Variants in HNRNPH1 observed in about 807,000 individuals in gnomAD.
HNRNPH1 encodes heterogeneous nuclear ribonucleoprotein H.
In HNRNPH1, 4 loss-of-function variants were observed where a neutral mutation model predicts 58.6. That is an observed-to-expected ratio of 0.07 (90% confidence interval 0.03 to 0.16). HNRNPH1 has a LOEUF of 0.16. Among genes scored for constraint, HNRNPH1 ranks in the 10% least tolerant of loss-of-function variants. The probability of loss-of-function intolerance (pLI) is 1.00; values close to 1 mark genes in which losing one functional copy is unlikely to be tolerated. For synonymous variants in HNRNPH1, 192 were observed against 189.2 expected, an observed-to-expected ratio of 1.01 and a Z score of -0.12; for missense variants, 271 against 564.2, an observed-to-expected ratio of 0.48 and a Z score of 5.26.
At chr5:179,618,521 A>AG (rs1369241861) in intron 4 of HNRNPH1, 198 bp from the exon 6 acceptor site, 3 of 420,640 alleles carry the variant, frequency 7.1e-6, no homozygotes, top group African/African-American at 4.1e-5. Flanking sequence ...TAAACTTTAT[A>AG]GAAAAAAAAA....
exon 1 of HNRNPH1, chr5:179,623,427 C>T (rs1486168640): frequency 3.5e-5 from 9 of 254,028 alleles, no homozygotes; most frequent in Admixed American, 1.1e-4. Flanking sequence ...CGCTCCGCCT[C>T]CTCCGACTTC....
chr5:179,616,085 T>C, intron 11 of HNRNPH1, 41 bp downstream of exon 12: 1 of 1,495,074 alleles, frequency 6.7e-7, no homozygotes, highest in Non-Finnish European at 9.3e-7. Context: ...GAACAGGCTT[T>C]ACCATAACTT....
intron 1 of HNRNPH1, among the ~76,000 whole-genome samples, chr5:179,622,211 T>A (rs1772767865): frequency 6.9e-6 from 1 of 145,656 alleles, no homozygotes; most frequent in African/African-American, 2.4e-5. Context: ...CACTCTTCAA[T>A]TATCAAATCT....
intron 8 of HNRNPH1, 69 bp from the exon 10 acceptor site, chr5:179,617,179 A>C (rs1342005975): frequency 8.8e-6 from 13 of 1,480,722 alleles, no homozygotes; most frequent in Non-Finnish European, 1.1e-5. Context: ...ACTTTTATAA[A>C]GTTTTTAAAC....
At chr5:179,618,172 T>G in exon 5 of HNRNPH1, 1 of 1,613,994 alleles carries the variant, frequency 6.2e-7, no homozygotes, top group East Asian at 2.2e-5. Flanking sequence ...CGCCTCATCC[T>G]CTCAAAGCCA....
intron 2 of HNRNPH1, among the ~76,000 whole-genome samples, chr5:179,632,227 G>T (rs990847714): frequency 6.6e-6 from 1 of 151,710 alleles, no homozygotes; most frequent in African/African-American, 2.4e-5. Flanking sequence ...AGAATGGCGT[G>T]AACCCGGGAG....
intron 8 of HNRNPH1, 129 bp from the exon 10 acceptor site, chr5:179,617,239 T>A: frequency 1.1e-6 from 1 of 910,982 alleles, no homozygotes; most frequent in Non-Finnish European, 1.7e-6. Context: ...TCTAGCTACT[T>A]CTCTTAGGTG....
intron 4 of HNRNPH1, 88 bp downstream of exon 5, chr5:179,619,181 A>AT: frequency 2.5e-6 from 3 of 1,203,142 alleles, no homozygotes; most frequent in Non-Finnish European, 3.5e-6. Flanking sequence ...ACTACAAAAC[A>AT]TTAATTTCTT....
chr5:179,619,247 C>A, intron 4 of HNRNPH1, 22 bp downstream of exon 5: 1 of 1,583,368 alleles, frequency 6.3e-7, no homozygotes, highest in East Asian at 2.3e-5. Context: ...AGTGACATAT[C>A]CAACCAACCA....
chr5:179,630,736 C>A lies in HNRNPH1; in HGVS notation c.-32+3329G>T, dbSNP rs1229531639. Among the ~76,000 whole-genome samples, 22 of 151,962 alleles carry A rather than the reference C, an allele frequency of 1.4e-4. 1 individual carries two copies. The highest frequency in any genetic ancestry group is 1.4e-3 in the Admixed American group (22 of 15,250). ...ATCATCCTGGTCAACATGGTGAAAC[C>A]CCGTCTCTACTAAAAGTACAAAAAA... On this transcript the variant is annotated intron_variant, in intron 2 of 4. Coordinates refer to the HNRNPH1 transcript ENST00000521116.
At chr5:179,621,645 T>C (rs1222766837) in intron 1 of HNRNPH1, 1 of 524,128 alleles carries the variant, frequency 1.9e-6, no homozygotes, top group Non-Finnish European at 3.4e-6. Context: ...AATTTATCTC[T>C]TTAGTCCTTG....
At chr5:179,622,942 G>T (rs1331546402) in intron 1 of HNRNPH1, 95 bp downstream of exon 2, 2 of 15,984 alleles carry the variant, frequency 1.3e-4, no homozygotes, top group Non-Finnish European at 2.8e-4. Flanking sequence ...GGCCCGGCCC[G>T]GCCCGCCCCG....
upstream of HNRNPH1, among the ~76,000 whole-genome samples, chr5:179,627,225 C>T (rs555115422): frequency 6.6e-6 from 1 of 152,242 alleles, no homozygotes; most frequent in East Asian, 1.9e-4. Context: ...GTTTGTTTTA[C>T]AGACAATGTC....
chr5:179,618,789 G>A (rs1259360188), intron 4 of HNRNPH1: 1 of 158,646 alleles, frequency 6.3e-6, no homozygotes, highest in Non-Finnish European at 1.4e-5. Context: ...ATGCTTCAAT[G>A]AAAAATAGTC....
At chr5:179,617,565 C>T in exon 8 of HNRNPH1, 1 of 1,614,034 alleles carries the variant, frequency 6.2e-7, no homozygotes, top group Non-Finnish European at 8.5e-7. Context: ...TCATGAGTTG[C>T]GAACTCGACA....
chr5:179,631,165 C>T (rs1405016120), intron 2 of HNRNPH1, among the ~76,000 whole-genome samples: 2 of 149,690 alleles, frequency 1.3e-5, no homozygotes, highest in African/African-American at 2.4e-5. Flanking sequence ...TCTTAGGTAA[C>T]ATAATGGTTT....
chr5:179,621,600 C>T lies in HNRNPH1; in HGVS notation c.98-203G>A, dbSNP rs926552645. The T allele has an allele frequency of 3.0e-5, 17 of 572,616 alleles. No homozygotes were observed. In the Admixed American group the frequency reaches 3.3e-4, roughly 11 times the overall value. The allele number at this position is 572,616 out of a possible 1,614,324, so 35.5% of individuals were successfully genotyped here. On this transcript the variant is annotated intron_variant, in intron 1 of 12. Transcript: ENST00000356731. ...CTAAGGTGATATATTTCCAACCCAT[C>T]AACAACATACAATATTCAAAGCAGT... is the stretch of plus-strand genomic sequence containing the variant.
At chr5:179,616,776 G>A (rs1250719271) in intron 10 of HNRNPH1, 93 bp downstream of exon 11, 6 of 1,133,070 alleles carry the variant, frequency 5.3e-6, no homozygotes, top group South Asian at 1.4e-5. Flanking sequence ...AGTTTCTTAT[G>A]CTAAACTTAT....
intron 10 of HNRNPH1, chr5:179,616,520 T>A (rs1441998004): frequency 1.9e-6 from 1 of 516,248 alleles, no homozygotes; most frequent in South Asian, 2.4e-5. Context: ...ATTTAGTGGG[T>A]TCCCCCTCAG....
Sources: gnomAD v4.1 joint callset for allele counts (sites outside exome capture counted in the v4.1 genomes callset) on GRCh38, gnomAD v4.1.1 for gene constraint, MANE v1.5 for transcripts, NCBI Gene and HGNC (gene_info 2026-07-23, HGNC 2026-07-21) for gene names.